Variants in ASAP1 observed in about 807,000 individuals in gnomAD.
The protein encoded by ASAP1 is arf-GAP with SH3 domain, ANK repeat and PH domain-containing protein 1.
A neutral mutation model predicts 145.2 loss-of-function variants in ASAP1; 43 were observed. The ratio of observed to expected loss-of-function variants is 0.30; its 90% confidence interval spans 0.23 to 0.38. The LOEUF is 0.38. Among genes scored for constraint, ASAP1 ranks in the 10% least tolerant of loss-of-function variants. ASAP1 has a pLI of 1.00. For missense variants in ASAP1, 1,018 were observed against 1,355.3 expected (o/e 0.75, Z 3.91); for synonymous variants, 546 against 515.5 (o/e 1.06, Z -0.80).
intron 3 of ASAP1, among the ~76,000 whole-genome samples, chr8:130,284,875 A>ACACACG (rs1182349288): frequency 1.4e-5 from 2 of 146,388 alleles, no homozygotes; most frequent in Admixed American, 1.4e-4. Context: ...ACACACACAC[A>ACACACG]CACACCATAC....
chr8:130,159,777 A>G, intron 12 of ASAP1, 87 bp downstream of exon 12: 2 of 1,074,944 alleles, frequency 1.9e-6, no homozygotes, highest in Non-Finnish European at 2.9e-6. Flanking sequence ...GTATTATAAA[A>G]TTTTAAGTGT....
intron 1 of ASAP1, among the ~76,000 whole-genome samples, chr8:130,435,248 T>C (rs534319941): frequency 1.7e-4 from 26 of 152,236 alleles, no homozygotes; most frequent in Non-Finnish European, 3.2e-4. Flanking sequence ...CAAACTAGAA[T>C]TCAGGACTTC....
chr8:130,206,843 C>T (rs991813555), intron 5 of ASAP1, among the ~76,000 whole-genome samples: 12 of 151,858 alleles, frequency 7.9e-5, no homozygotes, highest in Non-Finnish European at 5.9e-5. Context: ...ACCCATTTTG[C>T]GGTTTTGGTA....
At chr8:130,158,649 G>C (rs1171263883) in intron 12 of ASAP1, among the ~76,000 whole-genome samples, 9 of 152,176 alleles carry the variant, frequency 5.9e-5, no homozygotes, top group Admixed American at 1.3e-4. Flanking sequence ...AATGGAACAA[G>C]ATGAGGTGGG....
rs1021513517 is a variant in ASAP1 at position 130,118,031 on chromosome 8, A to G, written c.1880+130T>C. On this transcript the variant is annotated intron_variant, in intron 20 of 29. Coordinates refer to ENST00000518721, the MANE Select transcript of ASAP1 (RefSeq NM_018482.4). ...AGAGACTTCATGCCTGCAAAGCCAA[A>G]AATAATTTTTATATCTAGCATGACA... 8.7e-6 allele frequency: 6 copies of G among 691,584 alleles called. No individual in the cohort carries two copies. In the African/African-American group the frequency reaches 1.1e-4, roughly 13 times the overall value. The allele number at this position is 691,584 out of a possible 1,614,324, so 42.8% of individuals were successfully genotyped here.
chr8:130,238,314 T>A (rs1399096934), intron 3 of ASAP1, among the ~76,000 whole-genome samples: 1 of 152,072 alleles, frequency 6.6e-6, no homozygotes, highest in Non-Finnish European at 1.5e-5. Context: ...TTTCTTGATG[T>A]GAGGAAAAAT....
chr8:130,423,003 G>T (rs1477557605), intron 1 of ASAP1, among the ~76,000 whole-genome samples: 1 of 152,240 alleles, frequency 6.6e-6, no homozygotes, highest in Non-Finnish European at 1.5e-5. Flanking sequence ...TGACGGCAAA[G>T]TCAGGTCTAG....
chr8:130,180,344 G>A (rs1030794261), intron 8 of ASAP1, among the ~76,000 whole-genome samples: 2 of 152,138 alleles, frequency 1.3e-5, no homozygotes, highest in Non-Finnish European at 2.9e-5. Flanking sequence ...CATTTTTCGT[G>A]AAATCGACTT....
intron 3 of ASAP1, among the ~76,000 whole-genome samples, chr8:130,338,427 A>G (rs1825171852): frequency 6.6e-6 from 1 of 152,204 alleles, no homozygotes; most frequent in African/African-American, 2.4e-5. Context: ...TTCAACAAAG[A>G]ACAGCCAGCA....
Position 130,089,225 on chromosome 8 carries a change from G to A in ASAP1, c.2572+2748C>T, listed in dbSNP as rs1213088048. Reference sequence around the variant, plus strand: ...CTAAACATTAACATAAAGAAGTAGAGGGAAGAAGATTCTAGGTTGAGGGCA... The same window carrying A: ...CTAAACATTAACATAAAGAAGTAGAAGGAAGAAGATTCTAGGTTGAGGGCA... On this transcript the variant is annotated intron_variant, in intron 25 of 29. Transcript: ENST00000518721. 6.6e-5 allele frequency among the ~76,000 whole-genome samples: 10 copies of A among 152,128 alleles called. No homozygotes were observed. The East Asian group carries it at 7.7e-4, about 12-fold the overall frequency.
intron 3 of ASAP1, among the ~76,000 whole-genome samples, chr8:130,329,021 T>C (rs1824516964): frequency 6.6e-6 from 1 of 152,174 alleles, no homozygotes; most frequent in South Asian, 2.1e-4. Flanking sequence ...ATATGATATC[T>C]GCTGGAATGG....
chr8:130,323,758 A>G (rs970478410), intron 3 of ASAP1, among the ~76,000 whole-genome samples: 2 of 152,156 alleles, frequency 1.3e-5, no homozygotes, highest in Non-Finnish European at 2.9e-5. Flanking sequence ...CCCATAACAC[A>G]ATGCTAGGCA....
chr8:130,266,958 GT>G (rs1197637789), intron 3 of ASAP1, among the ~76,000 whole-genome samples: 1 of 151,780 alleles, frequency 6.6e-6, no homozygotes, highest in Non-Finnish European at 1.5e-5. Context: ...AGGATAATAA[GT>G]GAGGATAAGA....
At chr8:130,122,077 G>A (rs980207572) in intron 18 of ASAP1, among the ~76,000 whole-genome samples, 3 of 152,038 alleles carry the variant, frequency 2.0e-5, no homozygotes, top group African/African-American at 7.3e-5. Flanking sequence ...TCCCCCCAGG[G>A]AGGGTGCCTT....
rs756640144 is a variant in ASAP1, at chr8:130,187,235, C to T, written c.530+1G>A. On this transcript the variant is annotated splice_donor_variant, in intron 7 of 29. Transcript: ENST00000518721. LOFTEE classifies it high-confidence loss of function. The stretch of plus-strand genomic sequence containing the variant: ...AAAACTCTAAACAAAAAACCACTTA[C>T]AACTTTGTCTCATAATCTTTCCAGG... 6.2e-7 allele frequency: 1 copy of T among 1,605,158 alleles called. No individual in the cohort carries two copies. The highest frequency in any genetic ancestry group is 1.3e-5 in the African/African-American group (1 of 74,292).
intron 3 of ASAP1, among the ~76,000 whole-genome samples, chr8:130,286,466 C>A (rs1373446051): frequency 2.6e-5 from 4 of 152,158 alleles, no homozygotes; most frequent in Non-Finnish European, 4.4e-5. Flanking sequence ...CTAGAGAACT[C>A]CTTCATGTAC....
At chr8:130,092,569 C>A (rs1181796785) in intron 24 of ASAP1, among the ~76,000 whole-genome samples, 1 of 152,094 alleles carries the variant, frequency 6.6e-6, no homozygotes, top group Admixed American at 6.6e-5. Context: ...CGAGGATACA[C>A]TGAGCTATGA....
At chr8:130,410,570 G>C (rs933298336) in intron 1 of ASAP1, among the ~76,000 whole-genome samples, 4 of 152,262 alleles carry the variant, frequency 2.6e-5, no homozygotes, top group African/African-American at 9.6e-5. Flanking sequence ...AGAAGTGCAA[G>C]TGTGGAATGT....
chr8:130,205,484 G>C (rs1214866692), intron 5 of ASAP1, among the ~76,000 whole-genome samples: 1 of 149,810 alleles, frequency 6.7e-6, no homozygotes, highest in Non-Finnish European at 1.5e-5. Flanking sequence ...AGGTATACCT[G>C]TATTGACAAA....
Sources: allele counts gnomAD v4.1 joint callset (sites outside exome capture counted in the v4.1 genomes callset), GRCh38; gene constraint gnomAD v4.1.1; transcripts MANE v1.5; gene names NCBI Gene and HGNC (gene_info 2026-07-23, HGNC 2026-07-21).